Variants in DNAH1 observed in about 807,000 individuals in gnomAD.
DNAH1 encodes the protein axonemal beta dynein heavy chain 1.
A neutral mutation model predicts 484.3 loss-of-function variants in DNAH1; 327 were observed. The observed-to-expected ratio is 0.68, with a 90% CI of 0.62 to 0.74. DNAH1 has a LOEUF of 0.74. Among genes scored for constraint, DNAH1 ranks in the 30% least tolerant of loss-of-function variants. DNAH1 has a pLI of 0.00. For missense variants in DNAH1, 5,052 were observed against 5,546.8 expected, an observed-to-expected ratio of 0.91 and a Z score of 2.83; for synonymous variants, 2,192 against 2,191.9, an observed-to-expected ratio of 1.00 and a Z score of 0.00.
intron 75 of DNAH1, among the ~76,000 whole-genome samples, 162 bp from the exon 76 acceptor site, chr3:52,398,688 G>A (rs1285607178): frequency 2.0e-5 from 3 of 151,914 alleles, no homozygotes; most frequent in Non-Finnish European, 4.4e-5. Flanking sequence ...CATGTGCTAA[G>A]GGCCAGAGCT....
At chr3:52,313,339 CAA>C (rs1399565583), upstream of DNAH1, among the ~76,000 whole-genome samples, 2 of 152,144 alleles carry the variant, frequency 1.3e-5, no homozygotes, top group African/African-American at 4.8e-5. Flanking sequence ...GGAGGAGGGA[CAA>C]AGAGTGAGAG....
chr3:52,345,806 C>A, intron 10 of DNAH1, 100 bp downstream of exon 10: 2 of 1,234,982 alleles, frequency 1.6e-6, no homozygotes, highest in Non-Finnish European at 2.3e-6. Flanking sequence ...GTCAGTGGGC[C>A]ACATGGTGAG....
At chr3:52,370,297 G>A (rs1277063796) in intron 39 of DNAH1, 68 bp downstream of exon 39, 78 of 1,576,858 alleles carry the variant, frequency 4.9e-5, no homozygotes, top group Non-Finnish European at 6.4e-5. Flanking sequence ...TTGCTCTCTG[G>A]GGCCTGAAAG....
Position 52,346,486 on chromosome 3 carries a change from C to A in DNAH1, c.1671C>A (p.Leu557=). 1.9e-6 allele frequency: 3 copies of A among 1,610,862 alleles called. No individual in the cohort carries two copies. The highest frequency in any genetic ancestry group is 2.5e-6 in the Non-Finnish European group (3 of 1,178,318). The change falls in exon 11 of 78, where the codon CTC becomes CTA. Residue 557 remains leucine, a synonymous_variant. Coordinates refer to ENST00000420323, the MANE Select transcript of DNAH1 (RefSeq NM_015512.5). The part of the protein sequence containing the change: ...SQTFSQVQMF[L]KDSWISSLKV... ...GGCCACTCTAGGTGCAGATGTTCCT[C>A]AAGGACAGCTGGATCAGCTCGCTAA...
At chr3:52,378,467 T>A in intron 46 of DNAH1, 135 bp from the exon 47 acceptor site, 1 of 926,148 alleles carries the variant, frequency 1.1e-6, no homozygotes, top group Non-Finnish European at 1.7e-6. Flanking sequence ...AAAGGGTACG[T>A]GGAATCCAAG....
Position 52,350,590 on chromosome 3 carries a change from A to G in DNAH1, c.2729A>G (p.Lys910Arg). 1 of 1,613,444 alleles carries G rather than the reference A, an allele frequency of 6.2e-7. No individual in the cohort carries two copies. The highest frequency in any genetic ancestry group is 8.5e-7 in the Non-Finnish European group (1 of 1,179,654). Residue 910 changes from lysine (K) to arginine (R), a missense_variant and splice_region_variant, in exon 16 of 78, where the codon AAA becomes AGA. By Grantham distance (26) the Lys-to-Arg change is conservative. Coordinates refer to ENST00000420323, the MANE Select transcript of DNAH1 (RefSeq NM_015512.5). ...CTCAGCTCAGATGACTTCAATGACA[A>G]GTGAGTGGGAGCTTGGCCCCCATGC... ...YNLSSDDFND[K>R]WIASNWPSKI...
chr3:52,363,948 T>C (rs1702967415), intron 32 of DNAH1, among the ~76,000 whole-genome samples: 1 of 151,994 alleles, frequency 6.6e-6, no homozygotes, highest in Non-Finnish European at 1.5e-5. Flanking sequence ...CACCCTTCTT[T>C]CCAAAATGCT....
chr3:52,373,759 A>C, intron 44 of DNAH1: 1 of 1,407,864 alleles, frequency 7.1e-7, no homozygotes, highest in Non-Finnish European at 1.0e-6. Context: ...AAGTAGAAGG[A>C]ATTAAAACGA....
At chr3:52,356,166 T>C (rs1482373135) in intron 21 of DNAH1, among the ~76,000 whole-genome samples, 1 of 152,222 alleles carries the variant, frequency 6.6e-6, no homozygotes, top group Admixed American at 6.5e-5. Flanking sequence ...GTCTCACCCT[T>C]GGACTCATGT....
At chr3:52,338,316 C>T (rs1701807329) in intron 8 of DNAH1, among the ~76,000 whole-genome samples, 1 of 152,144 alleles carries the variant, frequency 6.6e-6, no homozygotes, top group Non-Finnish European at 1.5e-5. Context: ...ATCATGTTGG[C>T]CAGGCTGTTT....
At chr3:52,348,437 A>G (rs775266214) in intron 12 of DNAH1, among the ~76,000 whole-genome samples, 9 of 151,522 alleles carry the variant, frequency 5.9e-5, no homozygotes, top group Non-Finnish European at 1.3e-4. Flanking sequence ...CCACATACAG[A>G]CCCTCTGTCC....
At chr3:52,349,531 G>A in intron 14 of DNAH1, 111 bp downstream of exon 14, 1 of 1,042,662 alleles carries the variant, frequency 9.6e-7, no homozygotes, top group Non-Finnish European at 1.4e-6. Context: ...TGGGGTGTCT[G>A]TGGATGCCCA....
At chr3:52,396,225 GC>G in intron 70 of DNAH1, 142 bp from the exon 71 acceptor site, 1 of 901,334 alleles carries the variant, frequency 1.1e-6, no homozygotes, top group Non-Finnish European at 1.6e-6. Context: ...GAGCCACCGC[GC>G]CCAGCCAAAA....
rs1704198953 is a variant in DNAH1, at chr3:52,388,288, C to G, written c.9125C>G (p.Ala3042Gly). The change falls in exon 57 of 78, where the codon GCC (alanine) becomes GGC (glycine). Residue 3042 changes from alanine to glycine, a missense_variant. Physicochemically the swap from Ala to Gly is moderately conservative, Grantham distance 60. Transcript: ENST00000420323. ...ACTSICQWVR[A>G]MHKYHFVAKA... Reference sequence around the variant, plus strand: ...ACCTCCATCTGCCAGTGGGTGCGCGCCATGCACAAGTACCACTTTGTGGCC... The same window carrying G: ...ACCTCCATCTGCCAGTGGGTGCGCGGCATGCACAAGTACCACTTTGTGGCC... The G allele has an allele frequency of 6.2e-7, 1 of 1,601,832 alleles. No individual in the cohort carries two copies. The highest frequency in any genetic ancestry group is 1.7e-5 in the Admixed American group (1 of 57,844).
intron 43 of DNAH1, 115 bp downstream of exon 43, chr3:52,372,502 G>T: frequency 7.1e-7 from 1 of 1,416,124 alleles, no homozygotes; most frequent in Non-Finnish European, 9.5e-7. Flanking sequence ...ACCTCCCAGG[G>T]GGAGCTGACA....
At position 52,353,902 on chromosome 3, in the gene DNAH1, A is replaced by G. The variant is rs1021371334; in HGVS notation, c.3480+269A>G. The G allele has an allele frequency of 2.2e-6, 1 of 458,670 alleles. No homozygotes were observed. Among genetic ancestry groups the G allele is most frequent in the South Asian group, 2.2e-5 (1 of 45,326 alleles). 28.4% of individuals were successfully genotyped at this position (458,670 alleles called of 1,614,324 possible). A position where few individuals can be genotyped will look rare whatever the true frequency, so the allele number is the denominator to read the frequency against. ...AATAGCATTAGCCTCAATTTAACAG[A>G]TGTGTCAGGCCGGGTGCAGTGACAC... On this transcript the variant is annotated intron_variant, in intron 20 of 77. Transcript: ENST00000420323. The surrounding 1 kb of genome is among the most constrained non-coding windows in gnomAD (Gnocchi z 5.0).
chr3:52,343,366 G>A (rs899885937), intron 8 of DNAH1, among the ~76,000 whole-genome samples: 3 of 152,100 alleles, frequency 2.0e-5, no homozygotes, highest in African/African-American at 2.4e-5. Flanking sequence ...TGAGAGCAGG[G>A]CATGCCTTCT....
chr3:52,327,215 C>T (rs1319784891), intron 5 of DNAH1, among the ~76,000 whole-genome samples: 1 of 152,090 alleles, frequency 6.6e-6, no homozygotes, highest in East Asian at 1.9e-4. Flanking sequence ...GACCAGTGCC[C>T]GCCTCAGGGT....
rs1456831468 is a variant in DNAH1, at chr3:52,350,464, C to T, written c.2647-44C>T. 9 of 1,586,472 alleles carry T rather than the reference C, an allele frequency of 5.7e-6. No homozygotes were observed. In the East Asian group the frequency reaches 2.0e-4, roughly 36 times the overall value. Reference sequence around the variant, plus strand: ...GAGCCAGGTTCCGATTACCCACCACCTCCCTGGCACACGTGAAGTTCTCAT... The same window carrying T: ...GAGCCAGGTTCCGATTACCCACCACTTCCCTGGCACACGTGAAGTTCTCAT... On this transcript the variant is annotated intron_variant, in intron 15 of 77. Coordinates refer to ENST00000420323, the MANE Select transcript of DNAH1 (RefSeq NM_015512.5).
Sources: allele counts gnomAD v4.1 joint callset (sites outside exome capture counted in the v4.1 genomes callset), GRCh38; gene constraint gnomAD v4.1.1; non-coding constraint Gnocchi (gnomAD v3.1); transcripts MANE v1.5; gene names NCBI Gene and HGNC (gene_info 2026-07-23, HGNC 2026-07-21).